USO1: variants seen among roughly 807,000 people sequenced by gnomAD.
USO1 encodes the protein USO1 vesicle transport factor.
Under a neutral mutation model 124.5 loss-of-function variants are expected in USO1, and 57 were observed. That is an observed-to-expected ratio of 0.46 (90% CI 0.37 to 0.57). The LOEUF (loss-of-function observed/expected upper bound fraction) is 0.57. Ranked by LOEUF, USO1 falls within the 20% of genes least tolerant of loss-of-function variation. USO1 has a pLI of 0.00. For missense variants in USO1, 900 were observed against 1,040.6 expected (o/e 0.86, Z 1.86); for synonymous variants, 369 against 362.8 (o/e 1.02, Z -0.19).
At chr4:75,737,837 T>C (rs1045061331) in intron 1 of USO1, among the ~76,000 whole-genome samples, 1 of 151,782 alleles carries the variant, frequency 6.6e-6, no homozygotes, top group African/African-American at 2.4e-5. Flanking sequence ...TTATTATTAT[T>C]GTTATTTTGA....
At chr4:75,752,338 T>A (rs951263622) in intron 1 of USO1, 35 bp from the exon 2 acceptor site, 18,284 of 398,142 alleles carry the variant, frequency 0.046, 500 homozygotes, top group Non-Finnish European at 0.06. Context: ...CGGTTTTTTT[T>A]ATTCTTTTAA....
chr4:75,759,797 T>A (rs1343789960), intron 4 of USO1, among the ~76,000 whole-genome samples: 1 of 151,316 alleles, frequency 6.6e-6, no homozygotes, highest in Non-Finnish European at 1.5e-5. Flanking sequence ...TAATCTCAGC[T>A]ACTTGAGAGA....
Position 75,800,650 on chromosome 4 carries a change from T to C in USO1, c.1715T>C (p.Ile572Thr). 1.3e-6 allele frequency: 2 copies of C among 1,585,554 alleles called. No homozygotes were observed. Among genetic ancestry groups the C allele is most frequent in the East Asian group, 2.2e-5 (1 of 44,638 alleles). ...EKLKQLIEKR[I>T]GKENFIEKLG... is the part of the protein sequence containing the mutation. ...CTAAAACAACTGATTGAGAAGAGGA[T>C]TGGCAAAGAGAATTTCATAGAGAAA... Residue 572 changes from isoleucine to threonine, a missense_variant, in exon 16 of 24, where the codon ATT becomes ACT. Ile to Thr is a moderately conservative substitution (Grantham distance 89). Around this residue, in one of 2 missense-constraint regions of USO1, gnomAD observed 538 missense variants for 681.6 expected, o/e 0.79. Transcript: ENST00000514213.
In USO1 at chr4:75,765,040, A is replaced by T. The variant is rs114610893; in HGVS notation, c.296-5399A>T. 9.4e-3 allele frequency among the ~76,000 whole-genome samples: 1,430 copies of T among 152,304 alleles called. 7 individuals are homozygous for T. The highest frequency in any genetic ancestry group is 0.02 in the Admixed American group (311 of 15,306). ...ATTCTCTGCTATCTTCACACCACTG[A>T]GATAAAAAATAATTATGCTATAAAT... On this transcript the variant is annotated intron_variant, in intron 4 of 23. Coordinates refer to ENST00000514213, the MANE Select transcript of USO1 (RefSeq NM_003715.4).
intron 1 of USO1, among the ~76,000 whole-genome samples, chr4:75,728,610 G>A (rs1329675438): frequency 6.6e-6 from 1 of 152,160 alleles, no homozygotes; most frequent in Non-Finnish European, 1.5e-5. Context: ...TTAAGATTGT[G>A]CCACTGCATT....
At position 75,771,099 on chromosome 4, in the gene USO1, G is replaced by A. The variant is rs764566505; in HGVS notation, c.517G>A (p.Asp173Asn). ...TGTTCTAGGTGTTTCAAGATTGATG[G>A]ACTTACTAGCGGATTCCAGGGAAGT... ...VSPMGVSRLM[D>N]LLADSREVIR... The change falls in exon 7 of 24, where the codon GAC becomes AAC. Residue 173 changes from aspartate to asparagine, a missense_variant. Asp to Asn is a conservative substitution (Grantham distance 23). Around this residue, in one of 2 missense-constraint regions of USO1, gnomAD observed 538 missense variants for 681.6 expected, o/e 0.79. Transcript: ENST00000514213. 6.2e-6 allele frequency: 10 copies of A among 1,611,594 alleles called. No homozygotes were observed. The Admixed American group carries it at 1.5e-4, about 24-fold the overall frequency.
intron 22 of USO1, among the ~76,000 whole-genome samples, chr4:75,811,743 A>T (rs1577978817): frequency 6.6e-6 from 1 of 152,316 alleles, no homozygotes; most frequent in South Asian, 2.1e-4. Flanking sequence ...AGCTATTTTC[A>T]TTTAATTGTA....
intron 1 of USO1, 122 bp downstream of exon 1, chr4:75,725,007 T>G (rs891004968): frequency 2.9e-6 from 3 of 1,020,932 alleles, no homozygotes; most frequent in Non-Finnish European, 4.3e-6. Context: ...ACATGCCGCC[T>G]CCCCCTTTGC....
At chr4:75,766,176 G>A (rs969946906) in intron 4 of USO1, among the ~76,000 whole-genome samples, 3 of 152,024 alleles carry the variant, frequency 2.0e-5, no homozygotes, top group Non-Finnish European at 4.4e-5. Context: ...AGAAATATAA[G>A]GTAAAATATC....
At chr4:75,727,450 C>T (rs1338941040) in intron 1 of USO1, among the ~76,000 whole-genome samples, 2 of 152,140 alleles carry the variant, frequency 1.3e-5, no homozygotes, top group Non-Finnish European at 2.9e-5. Flanking sequence ...ATCACCTCCA[C>T]AATAAAGCAA....
intron 7 of USO1, among the ~76,000 whole-genome samples, chr4:75,773,614 C>G (rs906385827): frequency 2.6e-5 from 4 of 152,140 alleles, no homozygotes; most frequent in Non-Finnish European, 5.9e-5. Context: ...TTATATAACT[C>G]AGAGCCTAAA....
At chr4:75,725,247 T>C (rs1720384860) in intron 1 of USO1, among the ~76,000 whole-genome samples, 1 of 152,156 alleles carries the variant, frequency 6.6e-6, no homozygotes, top group Non-Finnish European at 1.5e-5. Flanking sequence ...CCCTCCCTCT[T>C]TCTCTTTCGC....
intron 8 of USO1, 102 bp downstream of exon 8, chr4:75,774,898 T>C: frequency 2.8e-6 from 4 of 1,430,120 alleles, no homozygotes; most frequent in Non-Finnish European, 3.7e-6. Context: ...CTCTTATTTA[T>C]ACTCTTTGTT....
chr4:75,803,284 A>T (rs541803797), intron 17 of USO1, among the ~76,000 whole-genome samples: 80 of 152,008 alleles, frequency 5.3e-4, no homozygotes, highest in African/African-American at 1.8e-3. Context: ...CTACATAATT[A>T]TATATATATA....
chr4:75,812,437 A>C, intron 23 of USO1, 62 bp downstream of exon 23: 1 of 1,506,090 alleles, frequency 6.6e-7, no homozygotes, highest in Non-Finnish European at 8.8e-7. Context: ...CATTTAAAAG[A>C]TTTTTAATGT....
chr4:75,762,883 G>A (rs1013576402), intron 4 of USO1, among the ~76,000 whole-genome samples: 15 of 152,302 alleles, frequency 9.8e-5, no homozygotes, highest in Middle Eastern at 3.4e-3. Flanking sequence ...AGCAGAGATC[G>A]TGCCACTGCA....
At chr4:75,799,895 TTGTG>T (rs1309009426) in intron 14 of USO1, among the ~76,000 whole-genome samples, 163 bp downstream of exon 14, 1 of 151,962 alleles carries the variant, frequency 6.6e-6, no homozygotes, top group African/African-American at 2.4e-5. Context: ...CTTGTTTAAG[TTGTG>T]TGTGTGTGGT....
Position 75,757,494 on chromosome 4 carries a change from C to A in USO1, c.219-3C>A. The A allele has an allele frequency of 6.7e-7, 1 of 1,495,690 alleles. No individual in the cohort carries two copies. Among genetic ancestry groups the A allele is most frequent in the East Asian group, 2.6e-5 (1 of 38,756 alleles). The allele number at this position is 1,495,690 out of a possible 1,614,324, so 92.7% of individuals were successfully genotyped here. On this transcript the variant is annotated splice_region_variant and splice_polypyrimidine_tract_variant and intron_variant, in intron 3 of 23. Coordinates refer to ENST00000514213, the MANE Select transcript of USO1 (RefSeq NM_003715.4). ...TATAAGTGTAATAATTTCTTTTTTC[C>A]AGTTCAGATTCTGAAATAATAGGTT...
In USO1 at chr4:75,813,858, T is replaced by G. The variant is rs1379362728; in HGVS notation, c.*563T>G. The G allele has an allele frequency of 6.6e-6, 1 of 152,250 alleles. No individual in the cohort carries two copies. The highest frequency in any genetic ancestry group is 1.5e-5 in the Non-Finnish European group (1 of 68,064). The allele number at this position is 152,250 out of a possible 1,614,324, so 9.4% of individuals were successfully genotyped here. A position where few individuals can be genotyped will look rare whatever the true frequency, so the allele number is the denominator to read the frequency against. On this transcript the variant is annotated 3_prime_UTR_variant, in exon 24 of 24. Coordinates refer to ENST00000514213, the MANE Select transcript of USO1 (RefSeq NM_003715.4). ...GAATGAGTGCCTTGACACCTACATA[T>G]GGCTGCATTCCATACCTCAGTGAAG...
Sources: allele counts gnomAD v4.1 joint callset (sites outside exome capture counted in the v4.1 genomes callset), GRCh38; gene constraint gnomAD v4.1.1; regional missense constraint gnomAD v4.1.1; transcripts MANE v1.5; gene names NCBI Gene and HGNC (gene_info 2026-07-23, HGNC 2026-07-21).